LRBA: variants seen among roughly 807,000 people sequenced by gnomAD.
LRBA encodes LPS responsive beige-like anchor protein, also known as lipopolysaccharide-responsive and beige-like anchor protein.
A neutral mutation model predicts 330.0 loss-of-function variants in LRBA; 176 were observed. The observed-to-expected ratio is 0.53, with a 90% CI of 0.47 to 0.60. The LOEUF (loss-of-function observed/expected upper bound fraction) is 0.60. LRBA is among the 20% of genes least tolerant of loss of function. The pLI is 0.00. For synonymous variants in LRBA, 1,230 were observed against 1,193.0 expected (o/e 1.03, Z -0.64); for missense variants, 3,259 against 3,444.8 (o/e 0.95, Z 1.35).
intron 38 of LRBA, among the ~76,000 whole-genome samples, chr4:150,596,282 A>T (rs1773476202): frequency 1.3e-5 from 2 of 151,826 alleles, no homozygotes; most frequent in Middle Eastern, 3.4e-3. Context: ...AGAGAACATC[A>T]CTCTTCAGGT....
At chr4:150,548,160 T>A (rs1766077462) in intron 40 of LRBA, among the ~76,000 whole-genome samples, 1 of 152,162 alleles carries the variant, frequency 6.6e-6, no homozygotes, top group Non-Finnish European at 1.5e-5. Flanking sequence ...AAAATACATT[T>A]CGTTCTTATC....
intron 40 of LRBA, among the ~76,000 whole-genome samples, chr4:150,523,726 T>A (rs1407588699): frequency 2.0e-5 from 3 of 152,134 alleles, no homozygotes; most frequent in Non-Finnish European, 4.4e-5. Context: ...TCTATGGAAA[T>A]GTGTCACTGA....
chr4:150,507,955 T>C (rs1761319783), intron 40 of LRBA, among the ~76,000 whole-genome samples: 1 of 151,676 alleles, frequency 6.6e-6, no homozygotes, highest in Non-Finnish European at 1.5e-5. Flanking sequence ...GAAACCATCA[T>C]TCTCAGCAAA....
chr4:150,459,496 TC>T (rs1206643712), intron 44 of LRBA, among the ~76,000 whole-genome samples: 5 of 151,968 alleles, frequency 3.3e-5, no homozygotes, highest in Admixed American at 6.6e-5. Flanking sequence ...ATGTGTGACC[TC>T]CCAGAATTCT....
chr4:150,416,533 A>G (rs1238382012), intron 46 of LRBA, among the ~76,000 whole-genome samples: 1 of 152,208 alleles, frequency 6.6e-6, no homozygotes, highest in Non-Finnish European at 1.5e-5. Flanking sequence ...CTTTGTTTAC[A>G]ATCACATTAA....
intron 34 of LRBA, among the ~76,000 whole-genome samples, chr4:150,789,214 T>C (rs770353519): frequency 5.3e-5 from 8 of 152,166 alleles, no homozygotes; most frequent in African/African-American, 1.4e-4. Context: ...CTGTACATAG[T>C]TGACCTCAAA....
At chr4:150,539,220 C>T (rs934159223) in intron 40 of LRBA, among the ~76,000 whole-genome samples, 10 of 152,142 alleles carry the variant, frequency 6.6e-5, no homozygotes, top group Non-Finnish European at 1.5e-4. Context: ...GTGATCCGCC[C>T]GCTGCGGCCT....
intron 34 of LRBA, among the ~76,000 whole-genome samples, chr4:150,785,520 G>C (rs1318360544): frequency 6.6e-6 from 1 of 152,190 alleles, no homozygotes; most frequent in South Asian, 2.1e-4. Context: ...TCCTTGTCAA[G>C]GCTAGTTTGG....
rs1440064412 is a variant in LRBA, at chr4:150,897,833, T to C, written c.1925-15A>G. 6 of 1,531,296 alleles carry C rather than the reference T, an allele frequency of 3.9e-6. No homozygotes were observed. The East Asian group carries it at 6.8e-5, about 17-fold the overall frequency. The allele number at this position is 1,531,296 out of a possible 1,614,324, so 94.9% of individuals were successfully genotyped here. A position where few individuals can be genotyped will look rare whatever the true frequency, so the allele number is the denominator to read the frequency against. ...TCGCGGTCCATCTTTTAAAAAAATA[T>C]ACACATACACATTTAGTATTTAAAG... On this transcript the variant is annotated splice_polypyrimidine_tract_variant and intron_variant, in intron 14 of 56. Coordinates refer to ENST00000651943, the MANE Select transcript of LRBA (RefSeq NM_001364905.1).
intron 40 of LRBA, among the ~76,000 whole-genome samples, chr4:150,495,701 T>C (rs1759505485): frequency 6.6e-6 from 1 of 152,202 alleles, no homozygotes; most frequent in African/African-American, 2.4e-5. Context: ...TCAAAGTCTC[T>C]AGAGTTCAAT....
intron 22 of LRBA, 106 bp downstream of exon 22, chr4:150,867,564 AC>A (rs1235992589): frequency 2.7e-6 from 2 of 740,024 alleles, no homozygotes; most frequent in African/African-American, 3.7e-5. Flanking sequence ...TCAGAAGATA[AC>A]TTGCCTTTTT....
At chr4:150,811,090 C>T (rs1290577492) in intron 31 of LRBA, among the ~76,000 whole-genome samples, 1 of 152,306 alleles carries the variant, frequency 6.6e-6, no homozygotes, top group East Asian at 1.9e-4. Context: ...ATATACAACA[C>T]TCAGTAAAGT....
At chr4:150,543,597 A>G (rs537285740) in intron 40 of LRBA, among the ~76,000 whole-genome samples, 2 of 152,330 alleles carry the variant, frequency 1.3e-5, no homozygotes, top group South Asian at 4.1e-4. Context: ...CATTTGACAC[A>G]TAATCTCACT....
intron 47 of LRBA, among the ~76,000 whole-genome samples, chr4:150,362,624 T>G (rs1322758174): frequency 6.6e-6 from 1 of 152,278 alleles, no homozygotes; most frequent in East Asian, 1.9e-4. Context: ...TAACAAGATC[T>G]CAGGTGATAC....
chr4:150,655,704 CA>C (rs1187339820), intron 37 of LRBA, among the ~76,000 whole-genome samples: 1 of 152,056 alleles, frequency 6.6e-6, no homozygotes, highest in Non-Finnish European at 1.5e-5. Context: ...CTGACAAGAG[CA>C]ATGCTTATCA....
intron 44 of LRBA, among the ~76,000 whole-genome samples, chr4:150,455,076 T>C (rs1418445311): frequency 1.3e-5 from 2 of 151,586 alleles, no homozygotes; most frequent in African/African-American, 4.9e-5. Context: ...CTGCACCCAC[T>C]AACTCGTCAT....
chr4:150,539,424 C>T (rs1765076450), intron 40 of LRBA, among the ~76,000 whole-genome samples: 1 of 152,110 alleles, frequency 6.6e-6, no homozygotes, highest in Admixed American at 6.6e-5. Flanking sequence ...CTTTCACTTG[C>T]CATTTTTTGT....
chr4:150,688,385 T>C lies in LRBA; in HGVS notation c.5755-4668A>G, dbSNP rs865959866. ...AACCTAGGCAATGCCATTCAGGACA[T>C]AGGCATGGGCAAAGACTTCATGACT... is the stretch of plus-strand genomic sequence containing the variant. On this transcript the variant is annotated intron_variant, in intron 36 of 56. Transcript: ENST00000651943. Among the ~76,000 whole-genome samples the C allele has an allele frequency of 5.3e-5, 8 of 152,144 alleles. 1 individual carries two copies. The highest frequency in any genetic ancestry group is 9.7e-5 in the African/African-American group (4 of 41,426).
In LRBA at chr4:150,503,171, T is replaced by C. The variant is rs992005406; in HGVS notation, c.6331-12136A>G. Reference sequence around the variant, plus strand: ...ATGACAGCAGTAACCTCTGCAGACTTAAATGTCCCTGTCTGACAGCTTTGA... The same window carrying C: ...ATGACAGCAGTAACCTCTGCAGACTCAAATGTCCCTGTCTGACAGCTTTGA... On this transcript the variant is annotated intron_variant, in intron 40 of 56. Coordinates refer to ENST00000651943, the MANE Select transcript of LRBA (RefSeq NM_001364905.1). Among the ~76,000 whole-genome samples the C allele has an allele frequency of 8.5e-5, 13 of 152,206 alleles. No individual in the cohort carries two copies. The South Asian group carries it at 1.0e-3, about 12-fold the overall frequency.
Sources: gnomAD v4.1 joint callset for allele counts (sites outside exome capture counted in the v4.1 genomes callset) on GRCh38, gnomAD v4.1.1 for gene constraint, MANE v1.5 for transcripts, NCBI Gene and HGNC (gene_info 2026-07-23, HGNC 2026-07-21) for gene names.